Variants in PODXL observed in about 807,000 individuals in gnomAD.
PODXL encodes the protein podocalyxin like, also known as podocalyxin.
PODXL carries 20 observed loss-of-function variants against 48.9 expected under a neutral mutation model. That is an observed-to-expected ratio of 0.41 (90% CI 0.29 to 0.59). The LOEUF is 0.59. PODXL is among the 20% of genes least tolerant of loss of function. The pLI is 0.31. For missense variants in PODXL, 606 were observed against 675.1 expected (o/e 0.90, Z 1.13); for synonymous variants, 295 against 287.4 (o/e 1.03, Z -0.27).
chr7:131,549,180 G>C (rs1798630991), intron 1 of PODXL, among the ~76,000 whole-genome samples: 1 of 152,166 alleles, frequency 6.6e-6, no homozygotes, highest in Non-Finnish European at 1.5e-5. Context: ...TCTAAGCAGA[G>C]CAGCCCCGGT....
intron 1 of PODXL, among the ~76,000 whole-genome samples, chr7:131,513,221 G>A (rs951963530): frequency 2.6e-5 from 4 of 152,176 alleles, no homozygotes; most frequent in East Asian, 1.9e-4. Flanking sequence ...GGAAAGAGAA[G>A]TTAGGAGGCA....
rs750583088 is a variant in PODXL at position 131,502,367 on chromosome 7, C to G, written c.*1944G>C. On this transcript the variant is annotated 3_prime_UTR_variant, in exon 9 of 9. Coordinates refer to ENST00000378555, the MANE Select transcript of PODXL (RefSeq NM_001018111.3). Reference sequence around the variant, plus strand: ...AGATGTTTTTGGAACTTGTTAGCCTCGCATCCCTCTAACTCCTGGGAAACT... The same window carrying G: ...AGATGTTTTTGGAACTTGTTAGCCTGGCATCCCTCTAACTCCTGGGAAACT... 6.6e-6 allele frequency: 1 copy of G among 152,226 alleles called. No individual in the cohort carries two copies. Among genetic ancestry groups the G allele is most frequent in the Non-Finnish European group, 1.5e-5 (1 of 68,074 alleles). The allele number at this position is 152,226 out of a possible 1,614,324, so 9.4% of individuals were successfully genotyped here.
At chr7:131,521,157 C>A (rs1420613566) in intron 1 of PODXL, among the ~76,000 whole-genome samples, 57 of 134,806 alleles carry the variant, frequency 4.2e-4, no homozygotes, top group South Asian at 4.8e-4. Flanking sequence ...GACTCCATCT[C>A]AAAAAAAAAA....
In PODXL at chr7:131,549,519, C is replaced by T. The variant is rs1798635952; in HGVS notation, c.100+6741G>A. 2.0e-5 allele frequency among the ~76,000 whole-genome samples: 3 copies of T among 152,160 alleles called. No individual in the cohort carries two copies. The South Asian group carries it at 6.2e-4, about 32-fold the overall frequency. Reference sequence around the variant, plus strand: ...CTGTGGCTTCAGCCTCACACACAGCCAGTATGTTCAAAAATTACAGAGTGC... The same window carrying T: ...CTGTGGCTTCAGCCTCACACACAGCTAGTATGTTCAAAAATTACAGAGTGC... On this transcript the variant is annotated intron_variant, in intron 1 of 8. Transcript: ENST00000378555.
At chr7:131,531,674 T>C (rs1798282059) in intron 1 of PODXL, among the ~76,000 whole-genome samples, 1 of 152,224 alleles carries the variant, frequency 6.6e-6, no homozygotes, top group African/African-American at 2.4e-5. Context: ...TCTGCCCTCA[T>C]GGTCACATGG....
At position 131,506,248 on chromosome 7, in the gene PODXL, G is replaced by GGGGCC; in HGVS notation, c.1311+7_1311+11dup. On this transcript the variant is annotated intron_variant, in intron 7 of 8. Transcript: ENST00000378555. ...GGAGCCACTCTGTCCCCACACTTGG[G>GGGGCC]GGGCCGCTTACCTCCTTTAGTTCAT... The GGGGCC allele has an allele frequency of 6.2e-7, 1 of 1,613,970 alleles. No individual in the cohort carries two copies. Among genetic ancestry groups the GGGGCC allele is most frequent in the Admixed American group, 1.7e-5 (1 of 60,018 alleles).
chr7:131,525,672 A>G (rs1285578882), intron 1 of PODXL, among the ~76,000 whole-genome samples: 1 of 152,008 alleles, frequency 6.6e-6, no homozygotes, highest in Admixed American at 6.6e-5. Context: ...TGACTCTGGG[A>G]AAGTTTTTTT....
intron 1 of PODXL, among the ~76,000 whole-genome samples, chr7:131,547,067 G>A (rs541059275): frequency 6.1e-4 from 93 of 152,256 alleles, no homozygotes; most frequent in Middle Eastern, 6.8e-3. Context: ...TAGGGCTGAC[G>A]CCAATACAAG....
chr7:131,518,843 C>T (rs565014985), intron 1 of PODXL, among the ~76,000 whole-genome samples: 5 of 152,194 alleles, frequency 3.3e-5, no homozygotes, highest in Non-Finnish European at 7.3e-5. Flanking sequence ...AGATCCACAG[C>T]GCCATCATTA....
At chr7:131,523,758 T>C (rs1340545744) in intron 1 of PODXL, among the ~76,000 whole-genome samples, 1 of 147,546 alleles carries the variant, frequency 6.8e-6, no homozygotes, top group African/African-American at 2.5e-5. Context: ...CTCAACTCCA[T>C]ACAAGATTAT....
intron 1 of PODXL, among the ~76,000 whole-genome samples, chr7:131,541,777 C>T (rs1483663559): frequency 6.6e-6 from 1 of 152,152 alleles, no homozygotes; most frequent in African/African-American, 2.4e-5. Flanking sequence ...AAGTTAAAGG[C>T]CATGTTCCTT....
chr7:131,549,188 G>C (rs559979429), intron 1 of PODXL, among the ~76,000 whole-genome samples: 3 of 152,080 alleles, frequency 2.0e-5, no homozygotes, highest in South Asian at 2.1e-4. Flanking sequence ...GAGCAGCCCC[G>C]GTAGGCCTCT....
intron 8 of PODXL, 31 bp from the exon 9 acceptor site, chr7:131,504,539 G>C: frequency 6.3e-7 from 1 of 1,579,532 alleles, no homozygotes; most frequent in Non-Finnish European, 8.7e-7. Flanking sequence ...GGTGAGAAGG[G>C]GGTTTCAGAG....
intron 6 of PODXL, 93 bp from the exon 7 acceptor site, chr7:131,506,414 T>C: frequency 6.8e-7 from 1 of 1,477,620 alleles, no homozygotes; most frequent in Non-Finnish European, 9.5e-7. Flanking sequence ...GCACCGTATC[T>C]CAGTCTCCTG....
chr7:131,555,287 G>A (rs1388134740), intron 1 of PODXL, among the ~76,000 whole-genome samples: 1 of 152,198 alleles, frequency 6.6e-6, no homozygotes, highest in Non-Finnish European at 1.5e-5. Context: ...GTGGGCAAAA[G>A]AGAATGAGAA....
At chr7:131,548,294 C>A (rs971085982) in intron 1 of PODXL, among the ~76,000 whole-genome samples, 1 of 152,250 alleles carries the variant, frequency 6.6e-6, no homozygotes, top group Non-Finnish European at 1.5e-5. Flanking sequence ...TAGCATTTGC[C>A]AGTCACCTAC....
intron 1 of PODXL, among the ~76,000 whole-genome samples, chr7:131,547,826 C>T (rs192513515): frequency 1.0e-3 from 156 of 152,364 alleles, no homozygotes; most frequent in Middle Eastern, 3.4e-3. Flanking sequence ...CCGCAGGTTT[C>T]AAAGTCACTG....
chr7:131,528,442 G>A (rs1047572769), intron 1 of PODXL, among the ~76,000 whole-genome samples: 7 of 152,174 alleles, frequency 4.6e-5, no homozygotes, highest in South Asian at 2.1e-4. Context: ...TTCAGCAAGC[G>A]TCAGAATCAC....
chr7:131,508,211 G>A (rs1246185551), intron 5 of PODXL, among the ~76,000 whole-genome samples: 2 of 152,098 alleles, frequency 1.3e-5, no homozygotes, highest in Admixed American at 6.5e-5. Flanking sequence ...GTGCTCACAC[G>A]CACGCTCACC....
Sources: gnomAD v4.1 joint callset for allele counts (sites outside exome capture counted in the v4.1 genomes callset) on GRCh38, gnomAD v4.1.1 for gene constraint, MANE v1.5 for transcripts, NCBI Gene and HGNC (gene_info 2026-07-23, HGNC 2026-07-21) for gene names.